DST: variants seen among roughly 807,000 people sequenced by gnomAD.
DST encodes dystonin.
Under a neutral mutation model 875.2 loss-of-function variants are expected in DST, and 253 were observed. The ratio of observed to expected loss-of-function variants is 0.29; its 90% CI spans 0.26 to 0.32. DST has a LOEUF of 0.32. Ranked by LOEUF, DST falls within the 10% of genes least tolerant of loss-of-function variation. DST has a pLI of 1.00. For synonymous variants in DST, 3,124 were observed against 3,197.1 expected (o/e 0.98, Z 0.77); for missense variants, 8,287 against 9,111.6 (o/e 0.91, Z 3.68).
intron 9 of DST, among the ~76,000 whole-genome samples, chr6:56,693,724 C>T (rs910727835): frequency 5.3e-5 from 8 of 151,952 alleles, no homozygotes; most frequent in Non-Finnish European, 1.2e-4. Context: ...AATTTTGGTA[C>T]TTGCACACAA....
intron 2 of DST, among the ~76,000 whole-genome samples, chr6:56,930,409 C>A (rs1049534240): frequency 1.3e-5 from 2 of 152,018 alleles, no homozygotes; most frequent in African/African-American, 4.8e-5. Flanking sequence ...TGAAAACACA[C>A]AAAAAAATGA....
chr6:56,498,160 G>T, intron 80 of DST, 107 bp from the exon 81 acceptor site: 2 of 1,101,788 alleles, frequency 1.8e-6, no homozygotes, highest in Non-Finnish European at 2.6e-6. Flanking sequence ...AAACAAAAAC[G>T]TTATATGTGT....
intron 49 of DST, among the ~76,000 whole-genome samples, chr6:56,590,245 G>A (rs192987887): frequency 1.0e-3 from 158 of 152,082 alleles, no homozygotes; most frequent in Admixed American, 2.0e-3. Flanking sequence ...AGGTTTTTCC[G>A]TTTTAAAATT....
chr6:56,737,317 T>C (rs2099529046), intron 4 of DST, among the ~76,000 whole-genome samples: 1 of 152,242 alleles, frequency 6.6e-6, no homozygotes, highest in South Asian at 2.1e-4. Flanking sequence ...CAAGATTTTA[T>C]TTTTTAAAAA....
intron 9 of DST, among the ~76,000 whole-genome samples, chr6:56,685,035 T>C (rs1322730940): frequency 8.0e-6 from 1 of 125,400 alleles, no homozygotes; most frequent in Non-Finnish European, 1.6e-5. Flanking sequence ...TCTGGCATTA[T>C]GTTCTCTTCC....
chr6:56,755,218 G>A (rs957308537), intron 4 of DST, among the ~76,000 whole-genome samples: 4 of 152,060 alleles, frequency 2.6e-5, no homozygotes, highest in African/African-American at 9.7e-5. Flanking sequence ...AGAGTTACCA[G>A]TGTAACCCTG....
rs147091510 is a variant in DST, at chr6:56,762,800, C to T, written c.626-27511G>A. 7.3e-5 allele frequency among the ~76,000 whole-genome samples: 11 copies of T among 150,058 alleles called. No homozygotes were observed. The East Asian group carries it at 2.0e-3, about 27-fold the overall frequency. Reference sequence around the variant, plus strand: ...CAATAAGAACTTATTTTAACAATCACTTTGTACTATACCATAGGTAAAACA... The same window carrying T: ...CAATAAGAACTTATTTTAACAATCATTTTGTACTATACCATAGGTAAAACA... On this transcript the variant is annotated intron_variant, in intron 4 of 103. Transcript: ENST00000680361.
chr6:56,710,816 G>A (rs576874375), intron 5 of DST, among the ~76,000 whole-genome samples: 9 of 152,182 alleles, frequency 5.9e-5, no homozygotes, highest in Admixed American at 3.3e-4. Flanking sequence ...TTATAAATTC[G>A]AAATTGGTGC....
chr6:56,763,691 AC>A lies in DST; in HGVS notation c.626-28403del, dbSNP rs2099624192. ...AAAAAAAAAAAATACCTATACACACACACACACACACACACACACACACACA... is the reference window on the plus strand; with the variant it reads ...AAAAAAAAAAAATACCTATACACACAACACACACACACACACACACACACA... On this transcript the variant is annotated intron_variant, in intron 4 of 103. Coordinates refer to ENST00000680361, the MANE Select transcript of DST (RefSeq NM_001374736.1). Among the ~76,000 whole-genome samples, 3 of 108,952 alleles carry A rather than the reference AC, an allele frequency of 2.8e-5. No homozygotes were observed. In the East Asian group the frequency reaches 8.2e-4, roughly 30 times the overall value. 71.5% of individuals were successfully genotyped at this position (108,952 alleles called of 152,430 possible).
At chr6:56,591,743 C>T (rs906791278) in intron 49 of DST, among the ~76,000 whole-genome samples, 2 of 151,988 alleles carry the variant, frequency 1.3e-5, no homozygotes, top group African/African-American at 4.8e-5. Context: ...GAGGCTGAGG[C>T]AGGTGGATTA....
rs1427612339 is a variant in DST at position 56,609,167 on chromosome 6, C to T, written c.5461G>A (p.Ala1821Thr). The T allele has an allele frequency of 6.2e-7, 1 of 1,613,844 alleles. No individual in the cohort carries two copies. Among genetic ancestry groups the T allele is most frequent in the South Asian group, 1.1e-5 (1 of 91,080 alleles). ...TCATCAATAAGGCCATGACTTTTGG[C>T]ATCTTTAAGGTCAAAGCACTTTCTT... ...ELRKCFDLKD[A>T]KSHGLIDEQI... The change falls in exon 40 of 104, where the codon GCC (alanine) becomes ACC (threonine). Residue 1821 changes from alanine to threonine, a missense_variant. Physicochemically the swap from Ala to Thr is moderately conservative, Grantham distance 58. Coordinates refer to ENST00000680361, the MANE Select transcript of DST (RefSeq NM_001374736.1).
chr6:56,796,123 G>T (rs1734397924), intron 4 of DST, among the ~76,000 whole-genome samples: 1 of 152,154 alleles, frequency 6.6e-6, no homozygotes, highest in Non-Finnish European at 1.5e-5. Flanking sequence ...AGCTCACAAG[G>T]TTCTGTGCAA....
chr6:56,508,276 C>T (rs1046364366), intron 75 of DST, among the ~76,000 whole-genome samples: 4 of 152,074 alleles, frequency 2.6e-5, no homozygotes, highest in Non-Finnish European at 5.9e-5. Flanking sequence ...TCAAGTGATC[C>T]GCCCACCTCG....
At chr6:56,525,271 A>C (rs774949881) in intron 69 of DST, among the ~76,000 whole-genome samples, 2 of 152,162 alleles carry the variant, frequency 1.3e-5, no homozygotes, top group African/African-American at 2.4e-5. Flanking sequence ...AATAAACTTC[A>C]CAAATAAACA....
intron 4 of DST, chr6:56,843,080 G>A: frequency 1.3e-6 from 2 of 1,558,026 alleles, no homozygotes; most frequent in South Asian, 1.2e-5. Flanking sequence ...GGACATCCTC[G>A]TAGGCCTGGA....
At chr6:56,919,017 T>G (rs1170366820) in intron 2 of DST, among the ~76,000 whole-genome samples, 2 of 152,190 alleles carry the variant, frequency 1.3e-5, no homozygotes, top group African/African-American at 2.4e-5. Flanking sequence ...CCGAATTATT[T>G]TCTTCTCTGA....
rs375330871 is a variant in DST, at chr6:56,598,700, T to C, written c.11704A>G (p.Lys3902Glu). Residue 3902 changes from lysine (K) to glutamate (E), a missense_variant, in exon 46 of 104, where the codon AAA becomes GAA. Lys to Glu is a moderately conservative substitution (Grantham distance 56). Coordinates refer to ENST00000680361, the MANE Select transcript of DST (RefSeq NM_001374736.1). ...KYQSKQEELQ[K>E]DMQGSAQALA... ...GCCTGTGCACTTCCTTGCATATCTT[T>C]CTGTAATTCCTTATAACACAAAAGG... 18 of 1,574,084 alleles carry C rather than the reference T, an allele frequency of 1.1e-5. No homozygotes were observed. Among genetic ancestry groups the C allele is most frequent in the Middle Eastern group, 1.7e-4 (1 of 5,878 alleles).
At chr6:56,797,607 G>A (rs754658674) in intron 4 of DST, among the ~76,000 whole-genome samples, 4 of 152,106 alleles carry the variant, frequency 2.6e-5, no homozygotes, top group Non-Finnish European at 5.9e-5. Flanking sequence ...GCTGAGGCAG[G>A]CGAATCACCT....
In DST at chr6:56,603,639, C is replaced by G. The variant is rs761848867; in HGVS notation, c.10866G>C (p.Met3622Ile). ...MHEYLTLLQD[M>I]KPPLDNQESL... ...ATTCCTGGTTGTCTAAGGGGGGTTT[C>G]ATATCTTGAAGCAATGTCAAATACT... Residue 3622 changes from methionine to isoleucine, a missense_variant, in exon 41 of 104, where the codon ATG becomes ATC. Physicochemically the swap from Met to Ile is conservative, Grantham distance 10. This residue lies in a region of DST where 3,138 missense variants were observed against 3,116.6 expected (regional missense o/e 1.01). Coordinates refer to ENST00000680361, the MANE Select transcript of DST (RefSeq NM_001374736.1). 6.2e-7 allele frequency: 1 copy of G among 1,611,106 alleles called. No individual in the cohort carries two copies. Among genetic ancestry groups the G allele is most frequent in the South Asian group, 1.1e-5 (1 of 90,950 alleles).
Sources: gnomAD v4.1 joint callset for allele counts (sites outside exome capture counted in the v4.1 genomes callset) on GRCh38, gnomAD v4.1.1 for gene constraint, gnomAD v4.1.1 regional missense constraint, MANE v1.5 for transcripts, NCBI Gene and HGNC (gene_info 2026-07-23, HGNC 2026-07-21) for gene names.